GPC6: variants seen among roughly 807,000 people sequenced by gnomAD.
GPC6 encodes the protein glypican 6, also known as glypican-6.
In GPC6, 14 loss-of-function variants were observed where a neutral mutation model predicts 55.2. That is an observed-to-expected ratio of 0.25 (90% CI 0.17 to 0.40). GPC6 has a LOEUF of 0.40. Among genes scored for constraint, GPC6 ranks in the 10% least tolerant of loss-of-function variants. The pLI is 1.00. For missense variants in GPC6, 641 were observed against 708.5 expected, an observed-to-expected ratio of 0.90 and a Z score of 1.08; for synonymous variants, 278 against 259.6, an observed-to-expected ratio of 1.07 and a Z score of -0.68.
intron 2 of GPC6, among the ~76,000 whole-genome samples, chr13:93,610,771 G>A (rs564166590): frequency 1.8e-4 from 27 of 152,032 alleles, no homozygotes; most frequent in African/African-American, 6.0e-4. Context: ...AATGCACTGT[G>A]ATTTTTTTTT....
At chr13:93,980,260 T>C (rs1267758080) in intron 3 of GPC6, among the ~76,000 whole-genome samples, 1 of 152,158 alleles carries the variant, frequency 6.6e-6, no homozygotes, top group Non-Finnish European at 1.5e-5. Context: ...TCAGTGCATA[T>C]GGAAAAATGA....
chr13:93,579,483 G>A (rs1451755995), intron 2 of GPC6, among the ~76,000 whole-genome samples: 2 of 152,066 alleles, frequency 1.3e-5, no homozygotes, highest in Non-Finnish European at 2.9e-5. Context: ...GGAGGAAGAG[G>A]TGCAGTAGTA....
At chr13:93,400,714 T>A (rs1352482417) in intron 1 of GPC6, among the ~76,000 whole-genome samples, 1 of 152,146 alleles carries the variant, frequency 6.6e-6, no homozygotes, top group Non-Finnish European at 1.5e-5. Flanking sequence ...TACCTCGTAG[T>A]ATACCTACTA....
At chr13:94,343,136 C>T (rs1052544704) in intron 6 of GPC6, among the ~76,000 whole-genome samples, 2 of 152,178 alleles carry the variant, frequency 1.3e-5, no homozygotes, top group Admixed American at 6.5e-5. Context: ...TCTATCACTC[C>T]GGGATCATCC....
chr13:93,350,639 C>T (rs1310050576), intron 1 of GPC6, among the ~76,000 whole-genome samples: 1 of 152,052 alleles, frequency 6.6e-6, no homozygotes, highest in Non-Finnish European at 1.5e-5. Flanking sequence ...AAGAATTTTC[C>T]CAGTTCATTT....
chr13:93,769,922 T>C (rs942581839), intron 2 of GPC6, among the ~76,000 whole-genome samples: 1 of 152,196 alleles, frequency 6.6e-6, no homozygotes, highest in East Asian at 1.9e-4. Flanking sequence ...TAAATCTCTG[T>C]ATTTATTTGC....
intron 4 of GPC6, among the ~76,000 whole-genome samples, chr13:94,083,410 A>ACG (rs1885178263): frequency 1.3e-5 from 2 of 151,882 alleles, no homozygotes; most frequent in Admixed American, 6.6e-5. Flanking sequence ...GAGCCACTGC[A>ACG]CCCGGCCAGG....
rs758286986 is a variant in GPC6 at position 93,427,065 on chromosome 13, G to A, written c.161-118198G>A. On this transcript the variant is annotated intron_variant, in intron 1 of 8. Coordinates refer to ENST00000377047, the MANE Select transcript of GPC6 (RefSeq NM_005708.5). Reference sequence around the variant, plus strand: ...TGAGAAGTGTCTGTTCATGTCCTTCGCCCACTTTTTGATGGGGTTGTTTGT... The same window carrying A: ...TGAGAAGTGTCTGTTCATGTCCTTCACCCACTTTTTGATGGGGTTGTTTGT... Among the ~76,000 whole-genome samples, 586 of 149,200 alleles carry A rather than the reference G, an allele frequency of 3.9e-3. 6 individuals are homozygous for A. The highest frequency in any genetic ancestry group is 0.013 in the African/African-American group (543 of 40,344).
chr13:94,171,157 C>T (rs1218229254), intron 4 of GPC6, among the ~76,000 whole-genome samples: 1 of 152,104 alleles, frequency 6.6e-6, no homozygotes, highest in Admixed American at 6.5e-5. Context: ...GGCCCTTCAC[C>T]ACCATTGGGA....
chr13:93,630,068 C>G (rs1276675909), intron 2 of GPC6, among the ~76,000 whole-genome samples: 1 of 152,084 alleles, frequency 6.6e-6, no homozygotes, highest in Non-Finnish European at 1.5e-5. Flanking sequence ...ACAGGCAGCA[C>G]AGAAAAAAAG....
intron 4 of GPC6, among the ~76,000 whole-genome samples, chr13:94,232,793 G>A (rs561177197): frequency 7.2e-5 from 11 of 152,040 alleles, no homozygotes; most frequent in South Asian, 4.2e-4. Flanking sequence ...TATGTGTCTC[G>A]GATACCTGAC....
At chr13:93,298,636 G>A (rs930450735) in intron 1 of GPC6, among the ~76,000 whole-genome samples, 6 of 151,582 alleles carry the variant, frequency 4.0e-5, no homozygotes, top group African/African-American at 1.2e-4. Flanking sequence ...TTATAGGGAT[G>A]GGGGTCTCCC....
intron 8 of GPC6, among the ~76,000 whole-genome samples, chr13:94,401,055 C>G (rs1362164108): frequency 6.6e-6 from 1 of 152,130 alleles, no homozygotes; most frequent in African/African-American, 2.4e-5. Context: ...TCCTCGAGCA[C>G]TCTAGTGATT....
At chr13:94,041,640 G>T (rs995881376) in intron 4 of GPC6, among the ~76,000 whole-genome samples, 28 of 151,800 alleles carry the variant, frequency 1.8e-4, no homozygotes, top group Non-Finnish European at 3.7e-4. Flanking sequence ...CACTTAAAAT[G>T]AAACTTTTAG....
chr13:93,911,164 G>A (rs1047725776), intron 3 of GPC6, among the ~76,000 whole-genome samples: 2 of 152,158 alleles, frequency 1.3e-5, no homozygotes, highest in Non-Finnish European at 2.9e-5. Context: ...ACAGAGTTTA[G>A]AGAGGCATTC....
At chr13:94,373,013 A>C (rs901808564) in intron 6 of GPC6, among the ~76,000 whole-genome samples, 1 of 152,228 alleles carries the variant, frequency 6.6e-6, no homozygotes, top group South Asian at 2.1e-4. Context: ...CCTATCTGTT[A>C]GAAGGAAAAC....
At chr13:94,083,406 CTG>C (rs1885177687) in intron 4 of GPC6, among the ~76,000 whole-genome samples, 4 of 152,326 alleles carry the variant, frequency 2.6e-5, no homozygotes, top group Admixed American at 6.5e-5. Context: ...GCATGAGCCA[CTG>C]CACCCGGCCA....
intron 1 of GPC6, among the ~76,000 whole-genome samples, chr13:93,308,596 C>A (rs1444102685): frequency 6.6e-6 from 1 of 152,112 alleles, no homozygotes; most frequent in East Asian, 1.9e-4. Flanking sequence ...TGTGCACCAC[C>A]ACAGCCAGCT....
intron 4 of GPC6, among the ~76,000 whole-genome samples, chr13:94,132,886 AG>A (rs1887049773): frequency 6.6e-6 from 1 of 152,218 alleles, no homozygotes; most frequent in Non-Finnish European, 1.5e-5. Context: ...GCATTTAATA[AG>A]TATAGTAGAC....
Sources: allele counts gnomAD v4.1 joint callset (sites outside exome capture counted in the v4.1 genomes callset), GRCh38; gene constraint gnomAD v4.1.1; transcripts MANE v1.5; gene names NCBI Gene and HGNC (gene_info 2026-07-23, HGNC 2026-07-21).